The following GADL1 variants were observed in gnomAD, a reference collection of about 807,000 sequenced individuals.
The protein encoded by GADL1 is acidic amino acid decarboxylase GADL1.
A neutral mutation model predicts 69.5 loss-of-function variants in GADL1; 71 were observed. That is an observed-to-expected ratio of 1.02 (90% CI 0.84 to 1.25). The LOEUF is 1.25. GADL1 is among the 50% of genes most tolerant of loss of function. GADL1 has a pLI of 0.00. For missense variants in GADL1, 737 were observed against 631.8 expected (o/e 1.17, Z -1.79); for synonymous variants, 254 against 214.4 (o/e 1.18, Z -1.62).
intron 14 of GADL1, among the ~76,000 whole-genome samples, chr3:30,757,931 T>C (rs1197909527): frequency 6.6e-6 from 1 of 152,244 alleles, no homozygotes; most frequent in Non-Finnish European, 1.5e-5. Flanking sequence ...TAAATGCAGA[T>C]AACACTTATT....
chr3:30,784,646 A>T (rs1696749427), intron 13 of GADL1, among the ~76,000 whole-genome samples: 1 of 152,216 alleles, frequency 6.6e-6, no homozygotes, highest in South Asian at 2.1e-4. Flanking sequence ...TTTGGCTACT[A>T]AAAACAGTTT....
intron 1 of GADL1, among the ~76,000 whole-genome samples, chr3:30,878,996 T>C (rs1437974304): frequency 6.6e-6 from 1 of 151,944 alleles, no homozygotes. Flanking sequence ...CTTTTCTTGA[T>C]GACTTCTAGG....
At chr3:30,823,636 T>A (rs566034602) in intron 11 of GADL1, among the ~76,000 whole-genome samples, 1 of 151,950 alleles carries the variant, frequency 6.6e-6, no homozygotes, top group Non-Finnish European at 1.5e-5. Flanking sequence ...ATAAGGTACC[T>A]CTCTAGACAA....
At position 30,754,632 on chromosome 3, in the gene GADL1, CAA is replaced by C. The variant is rs11324385; in HGVS notation, c.1392+23545_1392+23546del. 1.4e-3 allele frequency among the ~76,000 whole-genome samples: 212 copies of C among 149,672 alleles called. 3 individuals carry two copies. Among genetic ancestry groups the C allele is most frequent in the African/African-American group, 4.8e-3 (197 of 41,240 alleles). On this transcript the variant is annotated intron_variant, in intron 14 of 14. Coordinates refer to ENST00000282538, the MANE Select transcript of GADL1 (RefSeq NM_207359.3). The stretch of plus-strand genomic sequence containing the variant: ...GTTGACTGTAAATGAGCCAAGAATA[CAA>C]AAAAAAAACTGCCTGTGAAATTATA...
At chr3:30,797,360 A>G (rs939562118) in intron 12 of GADL1, among the ~76,000 whole-genome samples, 8 of 152,172 alleles carry the variant, frequency 5.3e-5, no homozygotes, top group African/African-American at 1.9e-4. Flanking sequence ...GAAAGAAGAA[A>G]TTGCTATAAA....
At chr3:30,728,525 C>T (rs890962727) in intron 14 of GADL1, 110 bp from the exon 15 acceptor site, 30 of 749,920 alleles carry the variant, frequency 4.0e-5, no homozygotes, top group Non-Finnish European at 6.0e-5. Flanking sequence ...GTTTGGATCC[C>T]ATTCTCATTC....
intron 11 of GADL1, among the ~76,000 whole-genome samples, chr3:30,802,686 CTG>C (rs1697187252): frequency 6.6e-6 from 1 of 152,028 alleles, no homozygotes; most frequent in Non-Finnish European, 1.5e-5. Context: ...AGATACTACT[CTG>C]GATCTAAATA....
At chr3:30,749,361 A>C (rs1695763952) in intron 14 of GADL1, among the ~76,000 whole-genome samples, 1 of 152,232 alleles carries the variant, frequency 6.6e-6, no homozygotes. Flanking sequence ...TCTTCTCTCT[A>C]AAATCAGAAG....
intron 14 of GADL1, among the ~76,000 whole-genome samples, chr3:30,740,618 T>G (rs1196595512): frequency 6.6e-6 from 1 of 152,126 alleles, no homozygotes; most frequent in Non-Finnish European, 1.5e-5. Context: ...TCTCTTTTGC[T>G]TCTTCCAGGT....
chr3:30,821,737 A>AT (rs1459364562), intron 11 of GADL1, among the ~76,000 whole-genome samples: 3 of 151,722 alleles, frequency 2.0e-5, no homozygotes, highest in East Asian at 1.9e-4. Context: ...ATAATAAGTC[A>AT]TTTTTTAAAA....
chr3:30,781,814 G>T (rs1372943990), intron 13 of GADL1, among the ~76,000 whole-genome samples: 1 of 152,162 alleles, frequency 6.6e-6, no homozygotes, highest in African/African-American at 2.4e-5. Context: ...GCAAGCACTG[G>T]TCAGTTAGTG....
chr3:30,853,215 G>A (rs540564091), intron 4 of GADL1, among the ~76,000 whole-genome samples: 41 of 152,234 alleles, frequency 2.7e-4, no homozygotes, highest in African/African-American at 9.9e-4. Flanking sequence ...CCCCTAGGCA[G>A]TGGTTCTTTA....
At chr3:30,728,630 C>A (rs150998793) in intron 14 of GADL1, among the ~76,000 whole-genome samples, 33 of 152,250 alleles carry the variant, frequency 2.2e-4, no homozygotes, top group African/African-American at 7.7e-4. Flanking sequence ...TTCACAATAA[C>A]AGTGAGGAAG....
rs58009941 is a variant in GADL1 at position 30,727,442 on chromosome 3, A to ATG, written c.*799_*800insCA. ...TGTGTGTATATATATATATATATAT[A>ATG]ATTTTAACTTTTGAGAATGGATAAT... is the stretch of plus-strand genomic sequence containing the variant. On this transcript the variant is annotated 3_prime_UTR_variant, in exon 15 of 15. Transcript: ENST00000282538. 5 of 148,118 alleles carry ATG rather than the reference A, an allele frequency of 3.4e-5. No homozygotes were observed. Among genetic ancestry groups the ATG allele is most frequent in the Admixed American group, 3.4e-4 (5 of 14,890 alleles). The allele number at this position is 148,118 out of a possible 1,614,324, so 9.2% of individuals were successfully genotyped here.
At chr3:30,844,829 C>T (rs1001810257) in intron 6 of GADL1, among the ~76,000 whole-genome samples, 2 of 152,142 alleles carry the variant, frequency 1.3e-5, no homozygotes, top group Non-Finnish European at 2.9e-5. Context: ...TAGCACAGAG[C>T]CTGGCACATG....
intron 1 of GADL1, among the ~76,000 whole-genome samples, chr3:30,889,070 G>A (rs1367247504): frequency 3.3e-5 from 3 of 89,846 alleles, no homozygotes; most frequent in South Asian, 3.9e-4. Context: ...AAATACCGAA[G>A]ACTCGGTAAT....
At chr3:30,795,142 T>A (rs4955167) in intron 12 of GADL1, among the ~76,000 whole-genome samples, 126,289 of 151,688 alleles carry the variant, frequency 0.83, 52,800 homozygotes, top group African/African-American at 0.9. Flanking sequence ...AAACAATGTT[T>A]CTGTAACTTA....
At chr3:30,820,068 A>C (rs1206789246) in intron 11 of GADL1, among the ~76,000 whole-genome samples, 1 of 151,920 alleles carries the variant, frequency 6.6e-6, no homozygotes, top group Non-Finnish European at 1.5e-5. Flanking sequence ...AGATAAAAAC[A>C]CAAAGAATAG....
intron 14 of GADL1, among the ~76,000 whole-genome samples, chr3:30,745,421 A>G (rs901637629): frequency 2.6e-5 from 4 of 152,206 alleles, no homozygotes; most frequent in African/African-American, 9.6e-5. Flanking sequence ...TTGCGGGGGT[A>G]CATTTGGAAT....
Sources: gnomAD v4.1 joint callset for allele counts (sites outside exome capture counted in the v4.1 genomes callset) on GRCh38, gnomAD v4.1.1 for gene constraint, MANE v1.5 for transcripts, NCBI Gene and HGNC (gene_info 2026-07-23, HGNC 2026-07-21) for gene names.